Variants in RAB31 observed in about 807,000 individuals in gnomAD.
The protein encoded by RAB31 is RAB31, member RAS oncogene family.
In RAB31, 21 loss-of-function variants were observed where a neutral mutation model predicts 25.6. The ratio of observed to expected loss-of-function variants is 0.82; its 90% CI spans 0.58 to 1.18. The LOEUF is 1.18. Ranked by LOEUF, RAB31 falls within the 50% of genes most tolerant of loss-of-function variation. The pLI, the probability that RAB31 is intolerant of heterozygous loss-of-function variation, is 0.00. For synonymous variants in RAB31, 87 were observed against 84.0 expected, an observed-to-expected ratio of 1.04 and a Z score of -0.20; for missense variants, 196 against 250.1, an observed-to-expected ratio of 0.78 and a Z score of 1.46.
chr18:9,843,927 C>T (rs1467431275), intron 5 of RAB31, among the ~76,000 whole-genome samples: 1 of 151,854 alleles, frequency 6.6e-6, no homozygotes, highest in Non-Finnish European at 1.5e-5. Context: ...GTAGAATTTC[C>T]TTGGTAACTT....
At chr18:9,709,512 G>A (rs1160587159) in intron 1 of RAB31, among the ~76,000 whole-genome samples, 1 of 152,236 alleles carries the variant, frequency 6.6e-6, no homozygotes, top group Admixed American at 6.5e-5. Context: ...GTAGAAAGAG[G>A]AAATGATTTC....
At position 9,792,567 on chromosome 18, in the gene RAB31, G is replaced by T. The variant is rs568907915; in HGVS notation, c.201+332G>T. ...CACCCTCCCTCCTTACCTCAAGGGT[G>T]GTAACCATGGCCCCAAAAGCATCTC... On this transcript the variant is annotated intron_variant, in intron 3 of 6. Coordinates refer to ENST00000578921, the MANE Select transcript of RAB31 (RefSeq NM_006868.4). Among the ~76,000 whole-genome samples, 74 of 152,194 alleles carry T rather than the reference G, an allele frequency of 4.9e-4. No individual in the cohort carries two copies. The East Asian group carries it at 5.2e-3, about 11-fold the overall frequency.
chr18:9,763,455 C>G (rs944273075), intron 1 of RAB31, among the ~76,000 whole-genome samples: 1 of 151,476 alleles, frequency 6.6e-6, no homozygotes, highest in Non-Finnish European at 1.5e-5. Context: ...AGGAATAAAA[C>G]GAAACATTTA....
At chr18:9,755,320 A>G (rs776980322) in intron 1 of RAB31, among the ~76,000 whole-genome samples, 57 of 152,076 alleles carry the variant, frequency 3.7e-4, no homozygotes, top group Non-Finnish European at 5.7e-4. Context: ...ACCATTTTTT[A>G]CTGCATTTTC....
chr18:9,715,420 T>G (rs1198810315), intron 1 of RAB31, among the ~76,000 whole-genome samples: 1 of 151,900 alleles, frequency 6.6e-6, no homozygotes, highest in Non-Finnish European at 1.5e-5. Context: ...CCCCCTTTTT[T>G]TTTTTTTGAA....
intron 2 of RAB31, chr18:9,786,978 T>C (rs2068436750): frequency 6.4e-6 from 1 of 156,546 alleles, no homozygotes; most frequent in East Asian, 1.9e-4. Flanking sequence ...AAAATCTCAC[T>C]GTTAGAAGAG....
intron 5 of RAB31, among the ~76,000 whole-genome samples, chr18:9,835,769 G>A (rs2068701263): frequency 6.6e-6 from 1 of 152,052 alleles, no homozygotes; most frequent in Non-Finnish European, 1.5e-5. Context: ...CTTCTCACAG[G>A]TAAAAATCCA....
intron 3 of RAB31, among the ~76,000 whole-genome samples, chr18:9,806,046 A>G (rs372529971): frequency 1.3e-4 from 20 of 152,242 alleles, no homozygotes; most frequent in South Asian, 4.2e-4. Flanking sequence ...GTGTGGTGGC[A>G]GGCATCTGTA....
rs1044780407 is a variant in RAB31 at position 9,724,108 on chromosome 18, A to G, written c.39+15664A>G. 2.6e-5 allele frequency among the ~76,000 whole-genome samples: 4 copies of G among 151,258 alleles called. No homozygotes were observed. The South Asian group carries it at 8.4e-4, about 32-fold the overall frequency. On this transcript the variant is annotated intron_variant, in intron 1 of 6. Transcript: ENST00000578921. ...AAAACGGTGAAACCCCGTCTCTACT[A>G]AAAATACAAAAAATTAGCCGGGCGT... is the stretch of plus-strand genomic sequence containing the variant.
rs1302518296 is a variant in RAB31 at position 9,766,357 on chromosome 18, A to G, written c.40-8921A>G. On this transcript the variant is annotated intron_variant, in intron 1 of 6. Transcript: ENST00000578921. This position sits in a 1 kb window ranked among gnomAD's most constrained non-coding sequence, Gnocchi z 4.3. ...AGTGGGTGAGCCAGGCAAGCGTGGCACTGCCCTCATTACTATGCACTGCCT... is the reference window on the plus strand; with the variant it reads ...AGTGGGTGAGCCAGGCAAGCGTGGCGCTGCCCTCATTACTATGCACTGCCT... 6.6e-6 allele frequency among the ~76,000 whole-genome samples: 1 copy of G among 152,080 alleles called. No homozygotes were observed. Among genetic ancestry groups the G allele is most frequent in the Non-Finnish European group, 1.5e-5 (1 of 67,988 alleles).
intron 5 of RAB31, among the ~76,000 whole-genome samples, chr18:9,843,221 G>A (rs1486472545): frequency 6.6e-6 from 1 of 152,124 alleles, no homozygotes; most frequent in African/African-American, 2.4e-5. Context: ...GCAGAGATGA[G>A]CCCCACCCTT....
intron 2 of RAB31, among the ~76,000 whole-genome samples, chr18:9,785,836 G>C (rs1483695098): frequency 6.6e-6 from 1 of 152,228 alleles, no homozygotes. Flanking sequence ...CGAGGTGGGT[G>C]GATCATCTGA....
intron 5 of RAB31, among the ~76,000 whole-genome samples, chr18:9,828,928 G>A (rs532318188): frequency 1.3e-5 from 2 of 152,244 alleles, no homozygotes; most frequent in African/African-American, 4.8e-5. Context: ...TGTGTGCTCT[G>A]AGATGTGCCT....
intron 3 of RAB31, among the ~76,000 whole-genome samples, chr18:9,793,258 G>A (rs964556153): frequency 3.4e-5 from 5 of 148,730 alleles, no homozygotes; most frequent in African/African-American, 1.2e-4. Context: ...TTTTTCTTTT[G>A]TAGAGCCTGG....
At chr18:9,829,422 C>T (rs151230242) in intron 5 of RAB31, among the ~76,000 whole-genome samples, 6 of 152,324 alleles carry the variant, frequency 3.9e-5, no homozygotes, top group East Asian at 1.9e-4. Context: ...TCTACTGTTC[C>T]GTTTTATGAG....
At chr18:9,841,041 A>G (rs2068730898) in intron 5 of RAB31, among the ~76,000 whole-genome samples, 2 of 152,088 alleles carry the variant, frequency 1.3e-5, no homozygotes, top group African/African-American at 4.8e-5. Context: ...CGATCTTCCC[A>G]TCTCAGTAGC....
chr18:9,721,414 G>A (rs2145458877), intron 1 of RAB31, among the ~76,000 whole-genome samples: 1 of 152,220 alleles, frequency 6.6e-6, no homozygotes. Context: ...AGGAGTTCCA[G>A]ACCAGCCTGG....
chr18:9,764,499 T>C (rs898714654), intron 1 of RAB31, among the ~76,000 whole-genome samples: 3 of 152,184 alleles, frequency 2.0e-5, no homozygotes, highest in Admixed American at 6.5e-5. Context: ...GTTTTCCTTA[T>C]GCGGGAATTG....
chr18:9,783,019 G>A (rs1450228170), intron 2 of RAB31, among the ~76,000 whole-genome samples: 1 of 152,142 alleles, frequency 6.6e-6, no homozygotes, highest in Non-Finnish European at 1.5e-5. Context: ...AGCAATGATT[G>A]TCGTGGTCCT....
Sources: allele counts gnomAD v4.1 joint callset (sites outside exome capture counted in the v4.1 genomes callset), GRCh38; gene constraint gnomAD v4.1.1; non-coding constraint Gnocchi (gnomAD v3.1); transcripts MANE v1.5; gene names NCBI Gene and HGNC (gene_info 2026-07-23, HGNC 2026-07-21).